The following CNTLN variants were observed in gnomAD, a reference collection of about 807,000 sequenced individuals.
CNTLN encodes centlein, also known as centlein, centrosomal protein.
In CNTLN, 212 loss-of-function variants were observed where a neutral mutation model predicts 180.0. The observed-to-expected ratio is 1.18, with a 90% CI of 1.05 to 1.32. The LOEUF is 1.32. Among genes scored for constraint, CNTLN ranks in the 40% most tolerant of loss-of-function variants. CNTLN has a pLI of 0.00. For synonymous variants in CNTLN, 722 were observed against 563.1 expected (o/e 1.28, Z -3.99); for missense variants, 2,095 against 1,610.9 (o/e 1.30, Z -5.14).
intron 5 of CNTLN, among the ~76,000 whole-genome samples, chr9:17,269,219 C>G (rs1827756048): frequency 6.6e-6 from 1 of 152,096 alleles, no homozygotes; most frequent in Non-Finnish European, 1.5e-5. Context: ...CCAAATCCAA[C>G]TCTTATTTAA....
chr9:17,229,127 A>G (rs985243520), intron 3 of CNTLN, among the ~76,000 whole-genome samples: 26 of 152,158 alleles, frequency 1.7e-4, no homozygotes, highest in African/African-American at 6.3e-4. Context: ...AATTGTAGTG[A>G]AAGAGGTGAA....
intron 5 of CNTLN, among the ~76,000 whole-genome samples, chr9:17,257,354 A>C (rs1407083381): frequency 6.6e-6 from 1 of 152,056 alleles, no homozygotes; most frequent in Non-Finnish European, 1.5e-5. Context: ...TATGTGCCAC[A>C]TTTTCTTAAT....
At chr9:17,267,684 C>T (rs1034998018) in intron 5 of CNTLN, among the ~76,000 whole-genome samples, 3 of 152,154 alleles carry the variant, frequency 2.0e-5, no homozygotes, top group African/African-American at 4.8e-5. Context: ...ACCAATCAGA[C>T]GTAGATTTGG....
chr9:17,480,303 A>T (rs1832575592), intron 23 of CNTLN, among the ~76,000 whole-genome samples: 2 of 152,180 alleles, frequency 1.3e-5, no homozygotes, highest in South Asian at 4.1e-4. Flanking sequence ...TATACATCAG[A>T]TAAATGCTAA....
chr9:17,311,150 G>A (rs921391939), intron 8 of CNTLN, among the ~76,000 whole-genome samples: 8 of 151,516 alleles, frequency 5.3e-5, no homozygotes, highest in Non-Finnish European at 8.8e-5. Flanking sequence ...TCAGCCTCCC[G>A]AGTAGCTGGG....
At chr9:17,307,296 T>C (rs1239149309) in intron 7 of CNTLN, among the ~76,000 whole-genome samples, 1 of 152,096 alleles carries the variant, frequency 6.6e-6, no homozygotes, top group Non-Finnish European at 1.5e-5. Context: ...TAAGACAGTG[T>C]CTCCCCATGT....
chr9:17,276,062 T>C (rs191658136), intron 6 of CNTLN, among the ~76,000 whole-genome samples: 31 of 152,178 alleles, frequency 2.0e-4, no homozygotes, highest in South Asian at 1.0e-3. Flanking sequence ...ACAGGATCCA[T>C]ACCCCAAATG....
intron 18 of CNTLN, among the ~76,000 whole-genome samples, chr9:17,446,275 C>T (rs1830415216): frequency 2.0e-5 from 3 of 152,194 alleles, no homozygotes; most frequent in Admixed American, 1.3e-4. Flanking sequence ...CTAAGTCTCT[C>T]GTTCCACCTT....
At chr9:17,434,987 T>G (rs1024850452) in intron 18 of CNTLN, among the ~76,000 whole-genome samples, 3 of 152,228 alleles carry the variant, frequency 2.0e-5, no homozygotes, top group Non-Finnish European at 4.4e-5. Flanking sequence ...TTTTTTGTCT[T>G]TCATTATTAA....
At position 17,182,665 on chromosome 9, in the gene CNTLN, G is replaced by A. The variant is rs114635883; in HGVS notation, c.449+39289G>A. On this transcript the variant is annotated intron_variant, in intron 2 of 25. Transcript: ENST00000380647. ...GATTAAAAAGTTTGATAGATGACGA[G>A]TTTACCCTAGAGGGAAGGTGGCAAA... Among the ~76,000 whole-genome samples the A allele has an allele frequency of 3.9e-3, 588 of 152,218 alleles. 3 individuals are homozygous for A. Among genetic ancestry groups the A allele is most frequent in the African/African-American group, 0.013 (523 of 41,540 alleles).
At chr9:17,209,759 A>G (rs1823162127) in intron 2 of CNTLN, among the ~76,000 whole-genome samples, 1 of 152,210 alleles carries the variant, frequency 6.6e-6, no homozygotes, top group South Asian at 2.1e-4. Flanking sequence ...TTGAGCCACA[A>G]CTATAATTCA....
At chr9:17,499,821 G>C (rs1236173639) in intron 25 of CNTLN, among the ~76,000 whole-genome samples, 1 of 152,038 alleles carries the variant, frequency 6.6e-6, no homozygotes, top group Non-Finnish European at 1.5e-5. Context: ...ATTTTTGGAA[G>C]ACCTCTTTGA....
chr9:17,436,884 G>A (rs981259371), intron 18 of CNTLN, among the ~76,000 whole-genome samples: 2 of 152,110 alleles, frequency 1.3e-5, no homozygotes, highest in African/African-American at 4.8e-5. Flanking sequence ...AATCTCCAGA[G>A]TTTTCTTTTA....
intron 13 of CNTLN, among the ~76,000 whole-genome samples, chr9:17,371,389 A>G (rs1824303593): frequency 6.6e-6 from 1 of 152,200 alleles, no homozygotes; most frequent in African/African-American, 2.4e-5. Context: ...TTATATAATG[A>G]TAAAGGTGTC....
intron 2 of CNTLN, among the ~76,000 whole-genome samples, chr9:17,146,586 A>G (rs989394281): frequency 2.6e-5 from 4 of 152,106 alleles, no homozygotes; most frequent in Non-Finnish European, 5.9e-5. Context: ...AGAAGGTGTC[A>G]TTTACATGGA....
chr9:17,432,267 C>T (rs1164517414), intron 18 of CNTLN, among the ~76,000 whole-genome samples: 1 of 152,038 alleles, frequency 6.6e-6, no homozygotes, highest in African/African-American at 2.4e-5. Flanking sequence ...AGCCAACATG[C>T]TAAAAAATAT....
rs62562978 is a variant in CNTLN, at chr9:17,483,510, T to C, written c.3856-785T>C. 9.2e-5 allele frequency among the ~76,000 whole-genome samples: 14 copies of C among 152,326 alleles called. No individual in the cohort carries two copies. The South Asian group carries it at 2.7e-3, about 29-fold the overall frequency. ...AATATCTGAGCACCATTATTTATTC[T>C]AACATTGCTTGTGCTAACAAAAGAT... On this transcript the variant is annotated intron_variant, in intron 23 of 25. Transcript: ENST00000380647.
chr9:17,420,696 A>G (rs553986193), intron 18 of CNTLN, among the ~76,000 whole-genome samples: 1 of 152,082 alleles, frequency 6.6e-6, no homozygotes, highest in South Asian at 2.1e-4. Flanking sequence ...ACTTTTAGGT[A>G]TAAACTTCTC....
intron 2 of CNTLN, among the ~76,000 whole-genome samples, chr9:17,184,414 G>A (rs1312460417): frequency 6.6e-6 from 1 of 151,926 alleles, no homozygotes; most frequent in Non-Finnish European, 1.5e-5. Flanking sequence ...AGTGCAATAC[G>A]TATGATAACT....
Sources: allele counts gnomAD v4.1 joint callset (sites outside exome capture counted in the v4.1 genomes callset), GRCh38; gene constraint gnomAD v4.1.1; transcripts MANE v1.5; gene names NCBI Gene and HGNC (gene_info 2026-07-23, HGNC 2026-07-21).